Variants in DPP6 observed in about 807,000 individuals in gnomAD.
DPP6 encodes dipeptidyl peptidase like 6.
In DPP6, 69 loss-of-function variants were observed where a neutral mutation model predicts 122.6. The observed-to-expected ratio is 0.56, with a 90% confidence interval of 0.46 to 0.69. The LOEUF is 0.69. Among genes scored for constraint, DPP6 ranks in the 30% least tolerant of loss-of-function variants. The probability of loss-of-function intolerance (pLI) is 0.00; values close to 1 mark genes in which losing one functional copy is unlikely to be tolerated. For missense variants in DPP6, 928 were observed against 1,116.9 expected (o/e 0.83, Z 2.41); for synonymous variants, 418 against 433.1 (o/e 0.97, Z 0.43).
chr7:154,294,845 G>C (rs1231198299), intron 1 of DPP6, among the ~76,000 whole-genome samples: 1 of 152,136 alleles, frequency 6.6e-6, no homozygotes, highest in Non-Finnish European at 1.5e-5. Context: ...GACAATCTGT[G>C]GGCTTGTTCC....
At chr7:154,635,018 C>A (rs958054490) in intron 5 of DPP6, among the ~76,000 whole-genome samples, 2 of 152,134 alleles carry the variant, frequency 1.3e-5, no homozygotes, top group African/African-American at 4.8e-5. Context: ...TTTCAGCTGA[C>A]AACAGCGAAC....
At chr7:153,829,415 C>T in the DPP6 span, among the ~76,000 whole-genome samples, 1 of 152,100 alleles carries the variant, frequency 6.6e-6, no homozygotes, top group Non-Finnish European at 1.5e-5. Flanking sequence ...AGGGTTTCAC[C>T]ATGTTGGTCA....
At chr7:154,869,782 A>C (rs1474902646) in intron 18 of DPP6, among the ~76,000 whole-genome samples, 1 of 152,126 alleles carries the variant, frequency 6.6e-6, no homozygotes, top group Non-Finnish European at 1.5e-5. Context: ...CATTGCATTC[A>C]CCTCTGAAAG....
intron 1 of DPP6, among the ~76,000 whole-genome samples, chr7:153,891,204 C>T (rs1445586233): frequency 2.0e-5 from 3 of 149,520 alleles, no homozygotes; most frequent in Admixed American, 1.3e-4. Context: ...TTGTATTTTT[C>T]GTAGAGACGG....
At chr7:154,443,749 G>A (rs1819614506) in intron 1 of DPP6, among the ~76,000 whole-genome samples, 1 of 152,138 alleles carries the variant, frequency 6.6e-6, no homozygotes, top group Non-Finnish European at 1.5e-5. Flanking sequence ...TGGATCACTG[G>A]GTAGAAAACT....
chr7:154,591,770 G>T (rs2130732659), intron 5 of DPP6, among the ~76,000 whole-genome samples: 1 of 152,364 alleles, frequency 6.6e-6, no homozygotes, highest in African/African-American at 2.4e-5. Flanking sequence ...GGCCCTGGCT[G>T]GGTTTCTTTA....
chr7:154,792,503 A>G (rs1797745220), intron 10 of DPP6, among the ~76,000 whole-genome samples: 1 of 152,270 alleles, frequency 6.6e-6, no homozygotes. Flanking sequence ...CCATCATTAT[A>G]AATGCCTGTC....
chr7:154,503,011 C>T (rs368160750), intron 3 of DPP6, among the ~76,000 whole-genome samples: 35 of 152,296 alleles, frequency 2.3e-4, no homozygotes, highest in African/African-American at 8.2e-4. Context: ...ATCTGGTCAA[C>T]AGCAGAATAA....
intron 10 of DPP6, among the ~76,000 whole-genome samples, chr7:154,776,855 T>C (rs1239023682): frequency 6.6e-6 from 1 of 152,178 alleles, no homozygotes; most frequent in African/African-American, 2.4e-5. Context: ...GAATGAACCC[T>C]AAGCCATGCC....
chr7:153,910,525 C>T (rs1800043399), intron 1 of DPP6, among the ~76,000 whole-genome samples: 1 of 152,074 alleles, frequency 6.6e-6, no homozygotes, highest in Non-Finnish European at 1.5e-5. Context: ...CCTAGATGGC[C>T]TCATTCATCT....
At chr7:153,940,466 A>G (rs1326379666) in intron 1 of DPP6, among the ~76,000 whole-genome samples, 1 of 152,174 alleles carries the variant, frequency 6.6e-6, no homozygotes, top group Non-Finnish European at 1.5e-5. Context: ...TTGCACTGAA[A>G]TAGTCTCTAT....
At chr7:154,352,869 T>C (rs919868811) in intron 1 of DPP6, among the ~76,000 whole-genome samples, 1 of 152,272 alleles carries the variant, frequency 6.6e-6, no homozygotes, top group African/African-American at 2.4e-5. Flanking sequence ...GTTTATGCAC[T>C]GACTTAAATA....
At chr7:153,816,197 A>T in the DPP6 span, among the ~76,000 whole-genome samples, 1 of 152,144 alleles carries the variant, frequency 6.6e-6, no homozygotes, top group Non-Finnish European at 1.5e-5. Context: ...GCCAAAAAAT[A>T]ATTAGAAGGA....
intron 1 of DPP6, among the ~76,000 whole-genome samples, chr7:154,124,053 G>C (rs2150613736): frequency 6.6e-6 from 1 of 151,882 alleles, no homozygotes; most frequent in African/African-American, 2.4e-5. Context: ...GGCTTACCTG[G>C]GATAGATGTG....
chr7:154,816,319 A>G (rs1799423605), intron 16 of DPP6, among the ~76,000 whole-genome samples: 3 of 152,250 alleles, frequency 2.0e-5, no homozygotes, highest in Non-Finnish European at 2.9e-5. Flanking sequence ...TTATTACAGT[A>G]TATTGTTATA....
chr7:154,715,885 C>T (rs1190320545), intron 7 of DPP6, among the ~76,000 whole-genome samples: 1 of 152,248 alleles, frequency 6.6e-6, no homozygotes, highest in South Asian at 2.1e-4. Flanking sequence ...TCAACCTGCC[C>T]AAACTCCACT....
At chr7:154,171,812 T>TTATA (rs58751437) in intron 1 of DPP6, among the ~76,000 whole-genome samples, 1 of 151,238 alleles carries the variant, frequency 6.6e-6, no homozygotes, top group Non-Finnish European at 1.5e-5. Flanking sequence ...CCCACCATTC[T>TTATA]TATATGATAT....
intron 1 of DPP6, among the ~76,000 whole-genome samples, chr7:154,073,362 C>G (rs1251761210): frequency 6.6e-6 from 1 of 152,222 alleles, no homozygotes; most frequent in Non-Finnish European, 1.5e-5. Context: ...AATCTGTGCT[C>G]TCTACCAAGG....
chr7:154,417,981 A>G (rs1162895705), intron 1 of DPP6, among the ~76,000 whole-genome samples: 1 of 152,234 alleles, frequency 6.6e-6, no homozygotes, highest in Non-Finnish European at 1.5e-5. Context: ...CTTTCACAAG[A>G]GATCACTTTG....
Sources: allele counts gnomAD v4.1 joint callset (sites outside exome capture counted in the v4.1 genomes callset), GRCh38; gene constraint gnomAD v4.1.1; transcripts MANE v1.5; gene names NCBI Gene and HGNC (gene_info 2026-07-23, HGNC 2026-07-21).